The following MACROD2 variants were observed in gnomAD, a reference collection of about 807,000 sequenced individuals.
MACROD2 encodes mono-ADP ribosylhydrolase 2, also known as ADP-ribose glycohydrolase MACROD2.
A neutral mutation model predicts 70.4 loss-of-function variants in MACROD2; 36 were observed. That is an observed-to-expected ratio of 0.51 (90% CI 0.39 to 0.68). The LOEUF (loss-of-function observed/expected upper bound fraction) is 0.68. Among genes scored for constraint, MACROD2 ranks in the 30% least tolerant of loss-of-function variants. The pLI is 0.00. For missense variants in MACROD2, 496 were observed against 538.4 expected (o/e 0.92, Z 0.78); for synonymous variants, 172 against 178.8 (o/e 0.96, Z 0.30).
chr20:15,063,752 C>A (rs975993162), intron 5 of MACROD2, among the ~76,000 whole-genome samples: 1 of 152,110 alleles, frequency 6.6e-6, no homozygotes, highest in Non-Finnish European at 1.5e-5. Context: ...TGTTTCCTAC[C>A]TTATGCTAAC....
At chr20:14,357,921 C>A (rs1395806570) in intron 3 of MACROD2, among the ~76,000 whole-genome samples, 2 of 152,218 alleles carry the variant, frequency 1.3e-5, no homozygotes, top group Non-Finnish European at 2.9e-5. Context: ...TTTGGAGCTG[C>A]CACTGATCTC....
intron 13 of MACROD2, among the ~76,000 whole-genome samples, chr20:15,971,320 C>T (rs1222154407): frequency 6.6e-6 from 1 of 151,966 alleles, no homozygotes; most frequent in Non-Finnish European, 1.5e-5. Context: ...TGGGAGGGAC[C>T]CTGTAGGAGG....
At chr20:15,478,843 G>A (rs1192730232) in intron 7 of MACROD2, among the ~76,000 whole-genome samples, 1 of 152,178 alleles carries the variant, frequency 6.6e-6, no homozygotes, top group Admixed American at 6.5e-5. Flanking sequence ...ATGTAGTTTG[G>A]TTGCAAGGTG....
intron 6 of MACROD2, among the ~76,000 whole-genome samples, chr20:15,234,118 G>A (rs1346719812): frequency 4.0e-5 from 5 of 126,250 alleles, no homozygotes; most frequent in Non-Finnish European, 8.1e-5. Flanking sequence ...TGCAAGCTCC[G>A]CCTCCCAGGT....
intron 3 of MACROD2, among the ~76,000 whole-genome samples, chr20:14,338,453 T>G (rs2082976218): frequency 6.6e-6 from 1 of 152,066 alleles, no homozygotes. Flanking sequence ...TTTTAAATGG[T>G]ATTAAATGGT....
At chr20:15,206,319 C>A (rs1408838740) in intron 5 of MACROD2, among the ~76,000 whole-genome samples, 1 of 152,038 alleles carries the variant, frequency 6.6e-6, no homozygotes, top group Non-Finnish European at 1.5e-5. Flanking sequence ...CAAAAATTTC[C>A]ATTACTTATG....
chr20:14,871,873 C>A (rs2073492198), intron 5 of MACROD2, among the ~76,000 whole-genome samples: 1 of 151,920 alleles, frequency 6.6e-6, no homozygotes, highest in Non-Finnish European at 1.5e-5. Flanking sequence ...GTTATAATCC[C>A]AGTTTCTGAC....
At chr20:15,835,325 TC>T (rs2064101853) in intron 8 of MACROD2, among the ~76,000 whole-genome samples, 2 of 151,910 alleles carry the variant, frequency 1.3e-5, no homozygotes, top group African/African-American at 4.8e-5. Flanking sequence ...AATTTCTTCC[TC>T]CCCCCTTTTC....
chr20:15,004,945 A>G (rs532679621), intron 5 of MACROD2, among the ~76,000 whole-genome samples: 3 of 152,254 alleles, frequency 2.0e-5, no homozygotes, highest in African/African-American at 7.2e-5. Context: ...TTTCCTCCAA[A>G]GTTGGAATAT....
Position 14,693,030 on chromosome 20 carries a change from C to A in MACROD2, c.418+8071C>A, listed in dbSNP as rs913938421. 4.4e-4 allele frequency among the ~76,000 whole-genome samples: 67 copies of A among 152,176 alleles called. 1 individual carries two copies. The highest frequency in any genetic ancestry group is 1.6e-3 in the African/African-American group (67 of 41,434). ...TGTTTTGCATTATTTGCCATCATAG[C>A]AAGCCTTTAGAGGACGCTGTCTATA... On this transcript the variant is annotated intron_variant, in intron 5 of 17. Coordinates refer to ENST00000684519, the MANE Select transcript of MACROD2 (RefSeq NM_001351661.2).
chr20:14,233,011 G>A (rs1247430613), intron 3 of MACROD2, among the ~76,000 whole-genome samples: 2 of 152,174 alleles, frequency 1.3e-5, no homozygotes, highest in Non-Finnish European at 2.9e-5. Context: ...TGTGTCTCAG[G>A]GAATAGGGAG....
chr20:15,824,700 G>T (rs2063977893), intron 8 of MACROD2, among the ~76,000 whole-genome samples: 1 of 152,146 alleles, frequency 6.6e-6, no homozygotes, highest in Non-Finnish European at 1.5e-5. Flanking sequence ...TGCAGCCGAT[G>T]AGTATTTCAG....
intron 10 of MACROD2, among the ~76,000 whole-genome samples, chr20:15,914,610 A>G (rs2065285685): frequency 6.6e-6 from 1 of 152,234 alleles, no homozygotes. Context: ...GTTTCTACTC[A>G]TAATACTTCT....
At chr20:14,755,202 T>C (rs998103550) in intron 5 of MACROD2, among the ~76,000 whole-genome samples, 11 of 152,044 alleles carry the variant, frequency 7.2e-5, no homozygotes, top group African/African-American at 2.4e-4. Context: ...GTCCACTCTT[T>C]CCTGTTGCTT....
intron 3 of MACROD2, among the ~76,000 whole-genome samples, chr20:14,281,778 T>C (rs957307814): frequency 6.6e-6 from 1 of 151,650 alleles, no homozygotes; most frequent in African/African-American, 2.4e-5. Flanking sequence ...CTCCTAAAAA[T>C]ACAAAAATTA....
intron 15 of MACROD2, among the ~76,000 whole-genome samples, chr20:15,999,356 A>G (rs895475253): frequency 2.0e-5 from 3 of 152,234 alleles, no homozygotes; most frequent in African/African-American, 7.2e-5. Context: ...AATACTTGAC[A>G]TGATTTCAAT....
At chr20:15,248,303 C>T (rs913060736) in intron 6 of MACROD2, among the ~76,000 whole-genome samples, 7 of 152,206 alleles carry the variant, frequency 4.6e-5, no homozygotes, top group African/African-American at 1.4e-4. Context: ...CTCACTTGAG[C>T]TCACTGCAGT....
chr20:14,489,663 A>C (rs1288354548), intron 3 of MACROD2, among the ~76,000 whole-genome samples: 1 of 152,178 alleles, frequency 6.6e-6, no homozygotes, highest in African/African-American at 2.4e-5. Flanking sequence ...AACAAGTATA[A>C]TTTCCTTTAT....
intron 5 of MACROD2, among the ~76,000 whole-genome samples, chr20:14,847,731 G>T (rs1347587055): frequency 1.3e-5 from 2 of 151,996 alleles, no homozygotes; most frequent in African/African-American, 4.8e-5. Flanking sequence ...TAATTATAAT[G>T]TGAATTTAAA....
Sources: allele counts gnomAD v4.1 joint callset (sites outside exome capture counted in the v4.1 genomes callset), GRCh38; gene constraint gnomAD v4.1.1; transcripts MANE v1.5; gene names NCBI Gene and HGNC (gene_info 2026-07-23, HGNC 2026-07-21).